ERC2: variants seen among roughly 807,000 people sequenced by gnomAD.
ERC2 encodes ERC protein 2.
Under a neutral mutation model 114.8 loss-of-function variants are expected in ERC2, and 42 were observed. The ratio of observed to expected loss-of-function variants is 0.37; its 90% CI spans 0.29 to 0.47. The LOEUF (loss-of-function observed/expected upper bound fraction) is 0.47, where lower values mean the gene tolerates loss of function less well. Among genes scored for constraint, ERC2 ranks in the 20% least tolerant of loss-of-function variants. ERC2 has a pLI of 0.99. For missense variants in ERC2, 939 were observed against 1,150.7 expected (o/e 0.82, Z 2.66); for synonymous variants, 454 against 425.5 (o/e 1.07, Z -0.82).
chr3:56,423,550 C>T (rs1377899366), intron 2 of ERC2, among the ~76,000 whole-genome samples: 2 of 152,222 alleles, frequency 1.3e-5, no homozygotes, highest in Non-Finnish European at 2.9e-5. Flanking sequence ...TGGAGACAAA[C>T]GAGACAGCTC....
chr3:56,062,986 G>C (rs1464439865), intron 7 of ERC2, among the ~76,000 whole-genome samples: 3 of 152,138 alleles, frequency 2.0e-5, no homozygotes, highest in Non-Finnish European at 4.4e-5. Flanking sequence ...GACAGAGATT[G>C]TTTCATAAAC....
chr3:55,604,849 T>C (rs751660936), intron 17 of ERC2, among the ~76,000 whole-genome samples: 1 of 152,202 alleles, frequency 6.6e-6, no homozygotes, highest in African/African-American at 2.4e-5. Flanking sequence ...CATCATGGAC[T>C]GGTAGAATGT....
At chr3:56,153,447 A>G (rs1325166864) in intron 4 of ERC2, among the ~76,000 whole-genome samples, 1 of 152,196 alleles carries the variant, frequency 6.6e-6, no homozygotes, top group African/African-American at 2.4e-5. Flanking sequence ...ATGACTGTAC[A>G]TGTCCAGAAG....
At chr3:56,458,525 C>T (rs1390966332) in intron 1 of ERC2, among the ~76,000 whole-genome samples, 1 of 152,176 alleles carries the variant, frequency 6.6e-6, no homozygotes, top group East Asian at 1.9e-4. Flanking sequence ...AAGAATTCCC[C>T]TTGCGTGCCC....
intron 3 of ERC2, among the ~76,000 whole-genome samples, chr3:56,262,040 G>A (rs908783393): frequency 6.6e-6 from 1 of 152,138 alleles, no homozygotes; most frequent in African/African-American, 2.4e-5. Flanking sequence ...CAAAGGACAC[G>A]ATCTCATTCT....
intron 16 of ERC2, among the ~76,000 whole-genome samples, chr3:55,686,036 G>T (rs1187682459): frequency 6.6e-6 from 1 of 152,146 alleles, no homozygotes; most frequent in Non-Finnish European, 1.5e-5. Context: ...ATCACTTTTA[G>T]CAAATTAAAT....
chr3:55,941,791 A>AT (rs1214878754), intron 13 of ERC2, among the ~76,000 whole-genome samples: 1 of 152,102 alleles, frequency 6.6e-6, no homozygotes, highest in Non-Finnish European at 1.5e-5. Flanking sequence ...ACTTAAACTA[A>AT]TTTTTATTTA....
At chr3:55,779,586 T>A (rs1328940135) in intron 14 of ERC2, among the ~76,000 whole-genome samples, 1 of 151,978 alleles carries the variant, frequency 6.6e-6, no homozygotes, top group Non-Finnish European at 1.5e-5. Context: ...AAGAAGAAAC[T>A]GTAGGTCAAT....
chr3:55,987,013 C>A (rs1489357936), intron 11 of ERC2, among the ~76,000 whole-genome samples: 2 of 151,776 alleles, frequency 1.3e-5, no homozygotes, highest in African/African-American at 4.8e-5. Context: ...GAAGGAAAAA[C>A]AAAACAAAAT....
chr3:55,901,471 C>T (rs2064134391), intron 13 of ERC2, among the ~76,000 whole-genome samples: 1 of 152,150 alleles, frequency 6.6e-6, no homozygotes. Context: ...TCTGAGGTCA[C>T]CTTGTCATGT....
rs571489611 is a variant in ERC2, at chr3:55,770,862, T to C, written c.2565-35944A>G. 8.6e-5 allele frequency among the ~76,000 whole-genome samples: 13 copies of C among 152,042 alleles called. No homozygotes were observed. In the South Asian group the frequency reaches 2.7e-3, roughly 32 times the overall value. On this transcript the variant is annotated intron_variant, in intron 14 of 17. Transcript: ENST00000288221. The stretch of plus-strand genomic sequence containing the variant: ...TCCCTGTGTCCATGTGTTCTCATTG[T>C]TCAACTCCCACCTATGAGTGAGAAC...
chr3:55,557,128 C>T (rs1175315268), intron 17 of ERC2, among the ~76,000 whole-genome samples: 1 of 152,132 alleles, frequency 6.6e-6, no homozygotes, highest in African/African-American at 2.4e-5. Flanking sequence ...GGAGTGAGAG[C>T]CTTCTTCTGG....
At chr3:56,420,860 G>T in intron 2 of ERC2, among the ~76,000 whole-genome samples, 1 of 150,378 alleles carries the variant, frequency 6.6e-6, no homozygotes, top group Middle Eastern at 3.5e-3. Flanking sequence ...TCGCCCCACC[G>T]CACTCCAGCC....
At chr3:56,052,156 G>A (rs989534060) in intron 7 of ERC2, among the ~76,000 whole-genome samples, 1 of 152,190 alleles carries the variant, frequency 6.6e-6, no homozygotes, top group Non-Finnish European at 1.5e-5. Context: ...AAGTTCAGAG[G>A]AAGCGCCATC....
intron 13 of ERC2, among the ~76,000 whole-genome samples, chr3:55,912,219 A>T (rs908597357): frequency 6.6e-6 from 1 of 152,180 alleles, no homozygotes; most frequent in Non-Finnish European, 1.5e-5. Flanking sequence ...GGAGAGAGAG[A>T]AGAAATCTCA....
chr3:56,337,539 A>C (rs965959211), intron 2 of ERC2, among the ~76,000 whole-genome samples: 1 of 152,242 alleles, frequency 6.6e-6, no homozygotes, highest in Non-Finnish European at 1.5e-5. Context: ...ATATGCATAA[A>C]GCACTTAGCT....
intron 6 of ERC2, among the ~76,000 whole-genome samples, chr3:56,121,678 T>G (rs2079584415): frequency 6.6e-6 from 1 of 152,210 alleles, no homozygotes; most frequent in African/African-American, 2.4e-5. Flanking sequence ...CATGTTTAAT[T>G]AAAACTCTTA....
chr3:55,716,803 G>A (rs1472491835), intron 15 of ERC2, among the ~76,000 whole-genome samples: 1 of 152,180 alleles, frequency 6.6e-6, no homozygotes. Context: ...CTTTCCTGGT[G>A]ACAATTACAG....
chr3:56,161,992 C>G (rs966673749), intron 4 of ERC2, among the ~76,000 whole-genome samples: 3 of 152,036 alleles, frequency 2.0e-5, no homozygotes, highest in Non-Finnish European at 4.4e-5. Context: ...CCACTTTTTG[C>G]CCATTCAATG....
Sources: allele counts gnomAD v4.1 joint callset (sites outside exome capture counted in the v4.1 genomes callset), GRCh38; gene constraint gnomAD v4.1.1; transcripts MANE v1.5; gene names NCBI Gene and HGNC (gene_info 2026-07-23, HGNC 2026-07-21).